The following SLC22A15 variants were observed in gnomAD, a reference collection of about 807,000 sequenced individuals.
SLC22A15 encodes solute carrier family 22 member 15, also known as flipt 1.
Under a neutral mutation model 62.7 loss-of-function variants are expected in SLC22A15, and 45 were observed. That is an observed-to-expected ratio of 0.72 (90% CI 0.56 to 0.92). The LOEUF (loss-of-function observed/expected upper bound fraction) is 0.92, where lower values mean the gene tolerates loss of function less well. SLC22A15 is among the 40% of genes least tolerant of loss of function. The pLI is 0.00. For synonymous variants in SLC22A15, 264 were observed against 267.0 expected, an observed-to-expected ratio of 0.99 and a Z score of 0.11; for missense variants, 622 against 665.6, an observed-to-expected ratio of 0.93 and a Z score of 0.72.
chr1:116,062,033 A>G (rs1658393935), intron 8 of SLC22A15, among the ~76,000 whole-genome samples: 1 of 152,152 alleles, frequency 6.6e-6, no homozygotes, highest in South Asian at 2.1e-4. Context: ...ACATGGGGAA[A>G]CACTGTCTCT....
chr1:116,034,360 G>A (rs565858420), intron 6 of SLC22A15, among the ~76,000 whole-genome samples: 1 of 152,086 alleles, frequency 6.6e-6, no homozygotes, highest in South Asian at 2.1e-4. Context: ...CTGTGTTTGA[G>A]GAAGCCCTGA....
chr1:115,992,951 G>T (rs1417082038), intron 2 of SLC22A15, among the ~76,000 whole-genome samples: 2 of 152,072 alleles, frequency 1.3e-5, no homozygotes, highest in Non-Finnish European at 2.9e-5. Context: ...GTCAAGTCCT[G>T]TGTGTAGACC....
intron 8 of SLC22A15, among the ~76,000 whole-genome samples, chr1:116,048,814 G>A (rs1657988694): frequency 6.6e-6 from 1 of 152,142 alleles, no homozygotes; most frequent in East Asian, 1.9e-4. Flanking sequence ...ACTGCAAAAT[G>A]GATAAGAACT....
chr1:116,010,970 G>A (rs775027425), intron 2 of SLC22A15, among the ~76,000 whole-genome samples: 9 of 152,206 alleles, frequency 5.9e-5, no homozygotes, highest in Non-Finnish European at 1.0e-4. Flanking sequence ...GGACAACCAG[G>A]GTGACCTGCC....
At chr1:115,994,784 A>G (rs1655337643) in intron 2 of SLC22A15, among the ~76,000 whole-genome samples, 1 of 152,204 alleles carries the variant, frequency 6.6e-6, no homozygotes, top group Non-Finnish European at 1.5e-5. Flanking sequence ...ACAGTTATCA[A>G]TGTCAAGAAA....
chr1:116,052,295 C>T (rs1658078450), intron 8 of SLC22A15, among the ~76,000 whole-genome samples: 1 of 152,238 alleles, frequency 6.6e-6, no homozygotes, highest in African/African-American at 2.4e-5. Context: ...TCACTGATTG[C>T]TAGCACAGCA....
intron 10 of SLC22A15, among the ~76,000 whole-genome samples, chr1:116,064,741 A>G (rs769331635): frequency 1.3e-5 from 2 of 152,234 alleles, no homozygotes; most frequent in Non-Finnish European, 2.9e-5. Flanking sequence ...GGGTCTGCTA[A>G]TGCCAGTGTG....
chr1:115,992,281 C>T, intron 2 of SLC22A15, 38 bp downstream of exon 2: 1 of 1,491,584 alleles, frequency 6.7e-7, no homozygotes, highest in African/African-American at 1.4e-5. Context: ...ATAAATGTCT[C>T]TCTTTGTCCA....
intron 9 of SLC22A15, among the ~76,000 whole-genome samples, chr1:116,063,695 G>T (rs1176037465): frequency 6.6e-6 from 1 of 152,124 alleles, no homozygotes; most frequent in Non-Finnish European, 1.5e-5. Context: ...ACTTTACCTG[G>T]CTACTGGCTA....
rs1335397971 is a variant in SLC22A15 at position 116,069,343 on chromosome 1, A to G, written c.*2235A>G. On this transcript the variant is annotated 3_prime_UTR_variant, in exon 12 of 12. Transcript: ENST00000369503. ...CTTTTGATAAAAACTGTTGAATACT[A>G]TTGATGTAGAGAATGTGTATATGTG... 5 of 152,300 alleles carry G rather than the reference A, an allele frequency of 3.3e-5. No individual in the cohort carries two copies. The highest frequency in any genetic ancestry group is 5.9e-5 in the Non-Finnish European group (4 of 68,014). 9.4% of individuals were successfully genotyped at this position (152,300 alleles called of 1,614,324 possible). A position where few individuals can be genotyped will look rare whatever the true frequency, so the allele number is the denominator to read the frequency against.
In SLC22A15 at chr1:116,020,900, A is replaced by T; in HGVS notation, c.598+15A>T. The T allele has an allele frequency of 1.2e-6, 2 of 1,609,278 alleles. No homozygotes were observed. Among genetic ancestry groups the T allele is most frequent in the Non-Finnish European group, 1.7e-6 (2 of 1,177,540 alleles). ...GGCACTTGCAGGTACTACTTAAATC[A>T]TGCAGCTCTGGACTGGGTGAGCAGC... On this transcript the variant is annotated intron_variant, in intron 4 of 11. Coordinates refer to ENST00000369503, the MANE Select transcript of SLC22A15 (RefSeq NM_018420.3).
At chr1:116,005,078 G>A (rs1270802261) in intron 2 of SLC22A15, among the ~76,000 whole-genome samples, 1 of 151,940 alleles carries the variant, frequency 6.6e-6, no homozygotes, top group Non-Finnish European at 1.5e-5. Flanking sequence ...TTACTTCTCA[G>A]TCATTATAGA....
At chr1:116,005,575 G>T (rs1371561108) in intron 2 of SLC22A15, among the ~76,000 whole-genome samples, 1 of 152,156 alleles carries the variant, frequency 6.6e-6, no homozygotes, top group Non-Finnish European at 1.5e-5. Flanking sequence ...GGCTTGAGAA[G>T]TCCTAGCTCT....
chr1:116,024,592 G>C (rs950664548), intron 4 of SLC22A15, among the ~76,000 whole-genome samples: 1 of 151,884 alleles, frequency 6.6e-6, no homozygotes, highest in South Asian at 2.1e-4. Context: ...TCATCTCTAC[G>C]CCTTCTCCCT....
chr1:116,025,538 A>G (rs962497055), intron 4 of SLC22A15, among the ~76,000 whole-genome samples: 1 of 152,250 alleles, frequency 6.6e-6, no homozygotes, highest in Non-Finnish European at 1.5e-5. Flanking sequence ...CAAAGAAAAC[A>G]CATGTGTTAC....
chr1:116,045,638 C>A (rs925242352), intron 8 of SLC22A15, among the ~76,000 whole-genome samples: 1 of 146,946 alleles, frequency 6.8e-6, no homozygotes, highest in Non-Finnish European at 1.5e-5. Flanking sequence ...ACTCCGGAGG[C>A]TGAGGCAGGA....
intron 10 of SLC22A15, among the ~76,000 whole-genome samples, chr1:116,065,445 C>T (rs1208227263): frequency 6.6e-6 from 1 of 152,154 alleles, no homozygotes; most frequent in Non-Finnish European, 1.5e-5. Context: ...AGCTATCCTA[C>T]AACATTATAA....
Position 116,067,430 on chromosome 1 carries a change from G to A in SLC22A15, c.*322G>A, listed in dbSNP as rs143963322. ...TTGTTTCTAGAGATTTCATCATGTC[G>A]CTTTTCCTTCATCATGATCTAAATA... On this transcript the variant is annotated 3_prime_UTR_variant, in exon 12 of 12. Transcript: ENST00000369503. The A allele has an allele frequency of 1.6e-5, 4 of 252,046 alleles. No homozygotes were observed. The East Asian group carries it at 2.4e-4, about 15-fold the overall frequency. 15.6% of individuals were successfully genotyped at this position (252,046 alleles called of 1,614,324 possible).
chr1:116,031,571 A>ATGT lies in SLC22A15; in HGVS notation c.936_938dup (p.Met312_Phe313insLeu). 2 of 1,613,694 alleles carry ATGT rather than the reference A, an allele frequency of 1.2e-6. No homozygotes were observed. Among genetic ancestry groups the ATGT allele is most frequent in the Non-Finnish European group, 1.7e-6 (2 of 1,179,774 alleles). Reference sequence around the variant, plus strand: ...CCTGTTAGGACACACTTTGATCCTGATGTTCATCTGGTAATTATACTAAGG... The same window carrying ATGT: ...CCTGTTAGGACACACTTTGATCCTGATGTTGTTCATCTGGTAATTATACTAAGG... On this transcript the variant is annotated inframe_insertion, in exon 6 of 12. Transcript: ENST00000369503.
Sources: gnomAD v4.1 joint callset for allele counts (sites outside exome capture counted in the v4.1 genomes callset) on GRCh38, gnomAD v4.1.1 for gene constraint, MANE v1.5 for transcripts, NCBI Gene and HGNC (gene_info 2026-07-23, HGNC 2026-07-21) for gene names.